Variants in RPH3A observed in about 807,000 individuals in gnomAD.
RPH3A encodes the protein rabphilin-3A.
Under a neutral mutation model 102.2 loss-of-function variants are expected in RPH3A, and 48 were observed. That is an observed-to-expected ratio of 0.47 (90% CI 0.37 to 0.60). The LOEUF (loss-of-function observed/expected upper bound fraction) is 0.60. Ranked by LOEUF, RPH3A falls within the 20% of genes least tolerant of loss-of-function variation. The probability of loss-of-function intolerance (pLI) is 0.00; values close to 1 mark genes in which losing one functional copy is unlikely to be tolerated. For synonymous variants in RPH3A, 310 were observed against 324.3 expected (o/e 0.96, Z 0.47); for missense variants, 781 against 910.1 (o/e 0.86, Z 1.83).
intron 1 of RPH3A, among the ~76,000 whole-genome samples, chr12:112,716,893 G>A (rs1299162625): frequency 6.6e-6 from 1 of 152,194 alleles, no homozygotes; most frequent in Admixed American, 6.5e-5. Context: ...CTGTCCTGTA[G>A]AAGTCTATGG....
intron 2 of RPH3A, among the ~76,000 whole-genome samples, chr12:112,798,304 GA>G (rs1352707499): frequency 6.6e-6 from 1 of 152,176 alleles, no homozygotes; most frequent in Non-Finnish European, 1.5e-5. Context: ...TTTGGTTCAT[GA>G]AGGATTTATT....
intron 1 of RPH3A, among the ~76,000 whole-genome samples, chr12:112,583,591 G>T (rs1185804382): frequency 6.6e-6 from 1 of 152,174 alleles, no homozygotes; most frequent in Non-Finnish European, 1.5e-5. Context: ...TGCATTAAAA[G>T]CCAGGAGACT....
chr12:112,664,878 G>A (rs760587937), intron 1 of RPH3A, among the ~76,000 whole-genome samples: 1 of 151,290 alleles, frequency 6.6e-6, no homozygotes, highest in Non-Finnish European at 1.5e-5. Context: ...ATCACAGAAG[G>A]CTCCTCAGTC....
At chr12:112,832,648 C>G (rs1407518777) in intron 3 of RPH3A, among the ~76,000 whole-genome samples, 1 of 152,120 alleles carries the variant, frequency 6.6e-6, no homozygotes. Context: ...TCGAGACCAG[C>G]CTGGCCAACA....
At chr12:112,648,221 T>A (rs2039945731) in intron 1 of RPH3A, among the ~76,000 whole-genome samples, 1 of 152,148 alleles carries the variant, frequency 6.6e-6, no homozygotes, top group South Asian at 2.1e-4. Context: ...TCCATATTTC[T>A]ATTTTTTTAC....
intron 1 of RPH3A, among the ~76,000 whole-genome samples, chr12:112,647,726 G>A (rs1443728961): frequency 2.0e-5 from 3 of 152,174 alleles, no homozygotes; most frequent in South Asian, 2.1e-4. Flanking sequence ...AGGGGGAAGA[G>A]CAGGGAACAG....
At chr12:112,847,553 G>A in intron 4 of RPH3A, 143 bp from the exon 5 acceptor site, 1 of 858,556 alleles carries the variant, frequency 1.2e-6, no homozygotes. Flanking sequence ...GGAAGTATGT[G>A]TGTCCCATTG....
chr12:112,882,605 T>A (rs1245637326), intron 15 of RPH3A, among the ~76,000 whole-genome samples: 2 of 152,206 alleles, frequency 1.3e-5, no homozygotes, highest in Non-Finnish European at 2.9e-5. Flanking sequence ...GTATACTTTG[T>A]CTCACTCTTT....
intron 1 of RPH3A, among the ~76,000 whole-genome samples, chr12:112,696,115 C>T (rs1160566077): frequency 6.6e-6 from 1 of 152,202 alleles, no homozygotes; most frequent in Non-Finnish European, 1.5e-5. Context: ...AGTTATTTCA[C>T]TTAGAATAGT....
intron 10 of RPH3A, 62 bp downstream of exon 10, chr12:112,870,101 G>A: frequency 6.7e-7 from 1 of 1,502,154 alleles, no homozygotes; most frequent in Non-Finnish European, 9.0e-7. Flanking sequence ...AAAGAATGAG[G>A]GGAACTGTGT....
chr12:112,775,074 G>A (rs1040864472), intron 1 of RPH3A, among the ~76,000 whole-genome samples: 1 of 151,110 alleles, frequency 6.6e-6, no homozygotes, highest in African/African-American at 2.4e-5. Context: ...GTTAAGGGGA[G>A]GCAGAGTATT....
chr12:112,584,040 C>A (rs1008928814), intron 1 of RPH3A, among the ~76,000 whole-genome samples: 11 of 152,110 alleles, frequency 7.2e-5, no homozygotes, highest in African/African-American at 2.7e-4. Flanking sequence ...TCTTTATGGA[C>A]TCTGAGACTC....
At chr12:112,847,549 A>T in intron 4 of RPH3A, 147 bp from the exon 5 acceptor site, 1 of 820,826 alleles carries the variant, frequency 1.2e-6, no homozygotes. Flanking sequence ...AGAGGGAAGT[A>T]TGTGTGTCCC....
chr12:112,734,272 G>A (rs764197560), intron 1 of RPH3A, among the ~76,000 whole-genome samples: 2 of 152,202 alleles, frequency 1.3e-5, no homozygotes, highest in South Asian at 2.1e-4. Context: ...AACATGCTGT[G>A]CAGGTTTATA....
rs187608126 is a variant in RPH3A, at chr12:112,873,258, T to C, written c.797-1826T>C. 7.9e-5 allele frequency among the ~76,000 whole-genome samples: 12 copies of C among 152,352 alleles called. 1 individual carries two copies. In the East Asian group the frequency reaches 1.9e-3, roughly 24 times the overall value. On this transcript the variant is annotated intron_variant, in intron 10 of 21. Coordinates refer to ENST00000389385, the MANE Select transcript of RPH3A (RefSeq NM_001143854.2). ...AGCTCTTTTTGGATAGGTACTATTG[T>C]AGTCATCTTCACATAATAGATGCAG...
intron 1 of RPH3A, among the ~76,000 whole-genome samples, chr12:112,766,014 TC>T (rs1258029288): frequency 6.6e-6 from 1 of 152,180 alleles, no homozygotes; most frequent in East Asian, 1.9e-4. Context: ...TTCATTTTAT[TC>T]TCTTTAGATA....
chr12:112,665,383 G>C (rs1339992725), intron 1 of RPH3A, among the ~76,000 whole-genome samples: 1 of 152,146 alleles, frequency 6.6e-6, no homozygotes, highest in African/African-American at 2.4e-5. Flanking sequence ...TGTGTCAGAA[G>C]GGCCATATTG....
intron 1 of RPH3A, among the ~76,000 whole-genome samples, chr12:112,683,084 A>T (rs1272341362): frequency 6.6e-6 from 1 of 152,080 alleles, no homozygotes; most frequent in East Asian, 1.9e-4. Context: ...AGTGTATCTT[A>T]TCTGTCTTAT....
chr12:112,653,117 G>C (rs899897057), intron 1 of RPH3A, among the ~76,000 whole-genome samples: 2 of 152,108 alleles, frequency 1.3e-5, no homozygotes, highest in African/African-American at 4.8e-5. Flanking sequence ...CAGGCCGAGG[G>C]AGGTGGCTCA....
Sources: allele counts gnomAD v4.1 joint callset (sites outside exome capture counted in the v4.1 genomes callset), GRCh38; gene constraint gnomAD v4.1.1; transcripts MANE v1.5; gene names NCBI Gene and HGNC (gene_info 2026-07-23, HGNC 2026-07-21).